The following SPAG16 variants were observed in gnomAD, a reference collection of about 807,000 sequenced individuals.
SPAG16 encodes the protein sperm associated antigen 16.
A neutral mutation model predicts 80.4 loss-of-function variants in SPAG16; 86 were observed. That is an observed-to-expected ratio of 1.07 (90% CI 0.90 to 1.28). The LOEUF is 1.28. SPAG16 is among the 50% of genes most tolerant of loss of function. SPAG16 has a pLI of 0.00. For missense variants in SPAG16, 870 were observed against 765.3 expected, an observed-to-expected ratio of 1.14 and a Z score of -1.61; for synonymous variants, 294 against 265.9, an observed-to-expected ratio of 1.11 and a Z score of -1.03.
intron 10 of SPAG16, among the ~76,000 whole-genome samples, chr2:213,579,537 A>G (rs1180770091): frequency 6.6e-6 from 1 of 152,148 alleles, no homozygotes; most frequent in Non-Finnish European, 1.5e-5. Context: ...TTGATATTTT[A>G]TGCTGGCAAA....
At chr2:214,333,370 C>T (rs1353981414) in intron 15 of SPAG16, among the ~76,000 whole-genome samples, 1 of 152,198 alleles carries the variant, frequency 6.6e-6, no homozygotes, top group Non-Finnish European at 1.5e-5. Flanking sequence ...TGTCATGCCA[C>T]CCTGGCTACC....
intron 13 of SPAG16, among the ~76,000 whole-genome samples, chr2:214,031,209 C>T (rs2048389772): frequency 6.6e-6 from 1 of 151,640 alleles, no homozygotes; most frequent in Admixed American, 6.6e-5. Context: ...CCATGATAGA[C>T]TGGATTAAGA....
chr2:213,476,030 ACT>A (rs2073356032), intron 9 of SPAG16, among the ~76,000 whole-genome samples: 1 of 152,090 alleles, frequency 6.6e-6, no homozygotes, highest in African/African-American at 2.4e-5. Context: ...GGGAAAGAAA[ACT>A]CTCTTAATTT....
At chr2:213,401,862 C>A (rs1236173263) in intron 9 of SPAG16, among the ~76,000 whole-genome samples, 1 of 151,832 alleles carries the variant, frequency 6.6e-6, no homozygotes, top group African/African-American at 2.4e-5. Context: ...ATGTATTTTT[C>A]TCTTTCAGTG....
Position 214,208,131 on chromosome 2 carries a change from T to C in SPAG16, c.1720+58865T>C, listed in dbSNP as rs1461692241. Among the ~76,000 whole-genome samples, 2 of 152,172 alleles carry C rather than the reference T, an allele frequency of 1.3e-5. 1 individual carries two copies. The highest frequency in any genetic ancestry group is 4.8e-5 in the African/African-American group (2 of 41,454). Reference sequence around the variant, plus strand: ...CTCTTTCATATATACATATACTCTATTCATTCTGTCCTTCTGGAGAACCCT... The same window carrying C: ...CTCTTTCATATATACATATACTCTACTCATTCTGTCCTTCTGGAGAACCCT... On this transcript the variant is annotated intron_variant, in intron 15 of 15. Coordinates refer to ENST00000331683, the MANE Select transcript of SPAG16 (RefSeq NM_024532.5).
intron 10 of SPAG16, among the ~76,000 whole-genome samples, chr2:213,597,688 G>A (rs994093700): frequency 2.6e-5 from 4 of 151,736 alleles, no homozygotes; most frequent in East Asian, 1.9e-4. Flanking sequence ...TACAAATGCC[G>A]CTATTTCATT....
At chr2:214,192,391 C>CTGG (rs1020663368) in intron 15 of SPAG16, among the ~76,000 whole-genome samples, 61 of 152,008 alleles carry the variant, frequency 4.0e-4, no homozygotes, top group African/African-American at 1.3e-3. Context: ...CTTTACAATC[C>CTGG]TGGTGAAACT....
intron 11 of SPAG16, among the ~76,000 whole-genome samples, chr2:213,884,702 T>C (rs1400525982): frequency 6.6e-6 from 1 of 152,228 alleles, no homozygotes; most frequent in Non-Finnish European, 1.5e-5. Context: ...TTTAAAATTG[T>C]TTATTTTTAT....
intron 10 of SPAG16, among the ~76,000 whole-genome samples, chr2:213,855,767 C>A (rs936654759): frequency 3.9e-5 from 6 of 152,158 alleles, no homozygotes; most frequent in Admixed American, 3.9e-4. Flanking sequence ...AACTCACTTA[C>A]TGTCATCAGA....
intron 13 of SPAG16, among the ~76,000 whole-genome samples, chr2:214,034,072 G>A (rs1473571616): frequency 6.6e-6 from 1 of 152,142 alleles, no homozygotes; most frequent in Admixed American, 6.5e-5. Context: ...GAAAAGTACA[G>A]GCCAGCTATT....
chr2:214,050,136 A>AGT (rs927948714), intron 13 of SPAG16, among the ~76,000 whole-genome samples: 1 of 152,010 alleles, frequency 6.6e-6, no homozygotes, highest in African/African-American at 2.4e-5. Flanking sequence ...AGAGGCGAGA[A>AGT]GTGAAGCCAT....
At chr2:214,369,318 A>C (rs1347118104) in intron 15 of SPAG16, among the ~76,000 whole-genome samples, 1 of 152,170 alleles carries the variant, frequency 6.6e-6, no homozygotes, top group Non-Finnish European at 1.5e-5. Context: ...AACATGGACC[A>C]GAATCTTCTT....
chr2:213,970,909 A>G (rs1292122218), intron 12 of SPAG16, among the ~76,000 whole-genome samples: 2 of 152,226 alleles, frequency 1.3e-5, no homozygotes, highest in East Asian at 1.9e-4. Context: ...TTCATTAAGC[A>G]TGACTACAGT....
At chr2:213,300,700 G>A (rs2062706650) in intron 3 of SPAG16, among the ~76,000 whole-genome samples, 1 of 152,086 alleles carries the variant, frequency 6.6e-6, no homozygotes, top group African/African-American at 2.4e-5. Flanking sequence ...TGTTATCTGT[G>A]TAGAAGTTTT....
intron 15 of SPAG16, among the ~76,000 whole-genome samples, chr2:214,190,170 C>G (rs757356666): frequency 5.3e-5 from 8 of 152,136 alleles, no homozygotes; most frequent in Non-Finnish European, 1.0e-4. Flanking sequence ...TGCTCCACGT[C>G]TTTCGTCTGT....
At chr2:213,435,521 C>T (rs190250268) in intron 9 of SPAG16, among the ~76,000 whole-genome samples, 1 of 152,196 alleles carries the variant, frequency 6.6e-6, no homozygotes, top group Admixed American at 6.5e-5. Flanking sequence ...GCACGTGTAA[C>T]TCTTTAATTT....
At chr2:213,757,377 C>A (rs1205517885) in intron 10 of SPAG16, among the ~76,000 whole-genome samples, 1 of 151,656 alleles carries the variant, frequency 6.6e-6, no homozygotes, top group African/African-American at 2.4e-5. Flanking sequence ...TCATATGCAA[C>A]CGCAGAGAAC....
chr2:213,910,757 G>C (rs2077627782), intron 11 of SPAG16, among the ~76,000 whole-genome samples: 1 of 29,754 alleles, frequency 3.4e-5, no homozygotes, highest in African/African-American at 5.9e-5. Context: ...CAAAGTGCTG[G>C]GATTACAGGC....
chr2:213,467,708 A>G (rs1232129243), intron 9 of SPAG16, among the ~76,000 whole-genome samples: 3 of 152,208 alleles, frequency 2.0e-5, no homozygotes, highest in Non-Finnish European at 4.4e-5. Flanking sequence ...GAGAAGCCCA[A>G]GGACTCCTCA....
Sources: gnomAD v4.1 joint callset for allele counts (sites outside exome capture counted in the v4.1 genomes callset) on GRCh38, gnomAD v4.1.1 for gene constraint, MANE v1.5 for transcripts, NCBI Gene and HGNC (gene_info 2026-07-23, HGNC 2026-07-21) for gene names.